MAPK10: variants seen among roughly 807,000 people sequenced by gnomAD.
MAPK10 encodes the protein mitogen-activated protein kinase 10.
A neutral mutation model predicts 59.3 loss-of-function variants in MAPK10; 25 were observed. The observed-to-expected ratio is 0.42, with a 90% confidence interval of 0.31 to 0.59. The LOEUF is 0.59. Among genes scored for constraint, MAPK10 ranks in the 20% least tolerant of loss-of-function variants. The probability of loss-of-function intolerance (pLI) is 0.15; values close to 1 mark genes in which losing one functional copy is unlikely to be tolerated. For missense variants in MAPK10, 351 were observed against 568.9 expected (o/e 0.62, Z 3.90); for synonymous variants, 190 against 200.5 (o/e 0.95, Z 0.44).
At chr4:86,561,856 C>T (rs1226460391) in intron 1 of MAPK10, among the ~76,000 whole-genome samples, 1 of 152,130 alleles carries the variant, frequency 6.6e-6, no homozygotes, top group Non-Finnish European at 1.5e-5. Context: ...ACTGTTTCTT[C>T]TTTTGCAATT....
intron 2 of MAPK10, among the ~76,000 whole-genome samples, chr4:86,319,973 CT>C (rs1296110144): frequency 6.6e-6 from 1 of 152,354 alleles, no homozygotes; most frequent in East Asian, 1.9e-4. Flanking sequence ...CACCCAAGTC[CT>C]TCTCAGTCTC....
intron 2 of MAPK10, chr4:86,336,761 C>T (rs1721633864): frequency 6.7e-6 from 1 of 150,224 alleles, no homozygotes; most frequent in South Asian, 2.1e-4. Context: ...AAAATATAAG[C>T]TCCACGACAT....
At chr4:86,427,058 C>A (rs1244149774) in intron 1 of MAPK10, among the ~76,000 whole-genome samples, 1 of 151,720 alleles carries the variant, frequency 6.6e-6, no homozygotes, top group Non-Finnish European at 1.5e-5. Context: ...GAGATCGAGA[C>A]CATCCTGGTT....
At chr4:86,355,283 T>C (rs1158831018) in intron 1 of MAPK10, among the ~76,000 whole-genome samples, 1 of 152,104 alleles carries the variant, frequency 6.6e-6, no homozygotes, top group Non-Finnish European at 1.5e-5. Context: ...ATGGTCATCA[T>C]ACCCAAAATA....
In MAPK10 at chr4:86,138,882, T is replaced by C. The variant is rs185799107; in HGVS notation, c.236+20416A>G. The stretch of plus-strand genomic sequence containing the variant: ...TGTGCAAAAATCACAAGCATTCTTA[T>C]ACACCAACAACAGACAAACAGCCAA... On this transcript the variant is annotated intron_variant, in intron 4 of 13. Transcript: ENST00000641462. Among the ~76,000 whole-genome samples the C allele has an allele frequency of 2.1e-3, 327 of 152,100 alleles. 3 individuals are homozygous for C. The highest frequency in any genetic ancestry group is 7.4e-3 in the African/African-American group (309 of 41,514).
chr4:86,425,870 C>T (rs186169990), intron 1 of MAPK10, among the ~76,000 whole-genome samples: 1 of 152,240 alleles, frequency 6.6e-6, no homozygotes, highest in East Asian at 1.9e-4. Flanking sequence ...ACTCAGGAGG[C>T]TGAGGCAGGA....
chr4:86,497,329 G>A (rs920038350), intron 1 of MAPK10, among the ~76,000 whole-genome samples: 1 of 152,144 alleles, frequency 6.6e-6, no homozygotes, highest in Non-Finnish European at 1.5e-5. Flanking sequence ...CGTAGACTTG[G>A]CAAGGAACTA....
At chr4:86,027,434 A>G (rs1298894363) in intron 13 of MAPK10, 1 of 152,236 alleles carries the variant, frequency 6.6e-6, no homozygotes, top group African/African-American at 2.4e-5. Context: ...GAATAAATCA[A>G]ACACCTGAAA....
At chr4:86,558,593 T>G (rs1364403733) in intron 1 of MAPK10, among the ~76,000 whole-genome samples, 2 of 152,184 alleles carry the variant, frequency 1.3e-5, no homozygotes, top group African/African-American at 4.8e-5. Flanking sequence ...TTCCTATCAG[T>G]ATCAATGTTT....
rs114937486 is a variant in MAPK10, at chr4:86,034,304, A to C, written c.1111-2873T>G. ...ACTTCCTTGGTTGAAATTATTGCAG[A>C]AATTCAAACACAAATTTATATGGAT... On this transcript the variant is annotated intron_variant, in intron 11 of 13. Transcript: ENST00000641462. Among the ~76,000 whole-genome samples, 454 of 152,340 alleles carry C rather than the reference A, an allele frequency of 3.0e-3. 4 individuals are homozygous for C. Among genetic ancestry groups the C allele is most frequent in the African/African-American group, 0.011 (445 of 41,566 alleles).
chr4:86,337,234 T>C (rs2148928995), intron 2 of MAPK10, among the ~76,000 whole-genome samples: 1 of 152,322 alleles, frequency 6.6e-6, no homozygotes, highest in East Asian at 1.9e-4. Context: ...TGACAGTGCA[T>C]TTCAGATTAC....
intron 2 of MAPK10, among the ~76,000 whole-genome samples, chr4:86,282,811 G>A (rs1374487350): frequency 2.6e-5 from 4 of 152,154 alleles, no homozygotes; most frequent in African/African-American, 9.7e-5. Context: ...CAAGAGGATG[G>A]AAGTCCCCTT....
chr4:86,230,995 ATT>A (rs1284959282), intron 2 of MAPK10, among the ~76,000 whole-genome samples: 1 of 152,216 alleles, frequency 6.6e-6, no homozygotes, highest in Non-Finnish European at 1.5e-5. Flanking sequence ...CGAATATCTA[ATT>A]TTAGGTCCAT....
chr4:86,377,477 G>T (rs568686224), intron 1 of MAPK10, among the ~76,000 whole-genome samples: 3 of 152,342 alleles, frequency 2.0e-5, no homozygotes, highest in African/African-American at 7.2e-5. Context: ...CAGAAGGGCT[G>T]TATAATCTCA....
At chr4:86,072,288 T>G (rs1394421202) in intron 9 of MAPK10, among the ~76,000 whole-genome samples, 3 of 152,114 alleles carry the variant, frequency 2.0e-5, no homozygotes, top group African/African-American at 7.2e-5. Context: ...TAAGGATATT[T>G]TGGGCTGAGA....
intron 1 of MAPK10, among the ~76,000 whole-genome samples, chr4:86,520,456 G>A (rs76737034): frequency 0.048 from 7,259 of 151,768 alleles, 232 homozygotes; most frequent in African/African-American, 0.062. Context: ...TTTCATTTCC[G>A]TAAGTTGTGA....
chr4:86,486,856 G>T (rs915265376), intron 1 of MAPK10, among the ~76,000 whole-genome samples: 5 of 152,198 alleles, frequency 3.3e-5, no homozygotes, highest in African/African-American at 4.8e-5. Flanking sequence ...AACATCACCA[G>T]TGAGGGGCAG....
intron 1 of MAPK10, among the ~76,000 whole-genome samples, chr4:86,367,600 T>A (rs1738106136): frequency 6.6e-6 from 1 of 152,108 alleles, no homozygotes; most frequent in African/African-American, 2.4e-5. Context: ...GAAAGAAACA[T>A]TTAATCCCTG....
Position 86,194,366 on chromosome 4 carries a change from T to C in MAPK10, c.36A>G (p.Pro12=). The C allele has an allele frequency of 6.2e-7, 1 of 1,613,392 alleles. No individual in the cohort carries two copies. The highest frequency in any genetic ancestry group is 8.5e-7 in the Non-Finnish European group (1 of 1,179,336). ...AAAAGGCAATTTTCACATCCAATGT[T>C]GGTTCACTGCAGTAGTATAAGAAAT... is the stretch of plus-strand genomic sequence containing the variant. ...SLHFLYYCSE[P]TLDVKIAFCQ... is the part of the protein sequence containing the mutation. Residue 12 remains proline, a synonymous_variant, in exon 3 of 14, where the codon CCA becomes CCG. Transcript: ENST00000641462.
Sources: gnomAD v4.1 joint callset for allele counts (sites outside exome capture counted in the v4.1 genomes callset) on GRCh38, gnomAD v4.1.1 for gene constraint, MANE v1.5 for transcripts, NCBI Gene and HGNC (gene_info 2026-07-23, HGNC 2026-07-21) for gene names.